ITGA9: variants seen among roughly 807,000 people sequenced by gnomAD.
ITGA9 encodes integrin alpha-9.
Under a neutral mutation model 127.8 loss-of-function variants are expected in ITGA9, and 56 were observed. The ratio of observed to expected loss-of-function variants is 0.44; its 90% CI spans 0.35 to 0.55. The LOEUF (loss-of-function observed/expected upper bound fraction) is 0.55, where lower values mean the gene tolerates loss of function less well. ITGA9 is among the 20% of genes least tolerant of loss of function. The pLI is 0.00. For synonymous variants in ITGA9, 508 were observed against 514.5 expected (o/e 0.99, Z 0.17); for missense variants, 1,196 against 1,347.1 (o/e 0.89, Z 1.76).
chr3:37,525,785 A>G (rs75129705), intron 12 of ITGA9, among the ~76,000 whole-genome samples: 1 of 152,336 alleles, frequency 6.6e-6, no homozygotes, highest in East Asian at 1.9e-4. Context: ...GTTTACACTC[A>G]CAGCACCTCT....
chr3:37,612,143 A>G (rs1700023066), intron 15 of ITGA9, among the ~76,000 whole-genome samples: 2 of 152,340 alleles, frequency 1.3e-5, no homozygotes, highest in Admixed American at 1.3e-4. Flanking sequence ...AAGCATTTCA[A>G]AAACCAGAGG....
intron 23 of ITGA9, chr3:37,753,960 A>G (rs1696620655): frequency 6.6e-6 from 1 of 152,234 alleles, no homozygotes; most frequent in Non-Finnish European, 1.5e-5. Context: ...AGTGAGCCAG[A>G]CAGCTTATGG....
intron 11 of ITGA9, among the ~76,000 whole-genome samples, 175 bp from the exon 12 acceptor site, chr3:37,523,346 G>A (rs1156262103): frequency 2.6e-5 from 4 of 151,984 alleles, no homozygotes; most frequent in African/African-American, 9.7e-5. Context: ...ATAAAGGAGT[G>A]TGTGGCCTTC....
chr3:37,683,914 T>A lies in ITGA9; in HGVS notation c.1966T>A (p.Ser656Thr). Residue 656 changes from serine (S) to threonine (T), a missense_variant, in exon 18 of 28, where the codon TCC (serine) becomes ACC (threonine). By Grantham distance (58) the Ser-to-Thr change is moderately conservative. Transcript: ENST00000264741. ...YLALGAVKNI[S>T]LNISISNLGD... The stretch of plus-strand genomic sequence containing the variant: ...AGCTTTGGGGGCTGTGAAGAACATC[T>A]CCCTAAACATCTCTATCTCCAACCT... 6.2e-7 allele frequency: 1 copy of A among 1,614,110 alleles called. No individual in the cohort carries two copies. The highest frequency in any genetic ancestry group is 8.5e-7 in the Non-Finnish European group (1 of 1,179,966).
At chr3:37,803,547 G>A (rs1697259065) in intron 26 of ITGA9, among the ~76,000 whole-genome samples, 1 of 152,194 alleles carries the variant, frequency 6.6e-6, no homozygotes, top group Non-Finnish European at 1.5e-5. Context: ...AACTTTGGGA[G>A]GCCGAGGTGG....
At chr3:37,745,533 C>T (rs558533515) in intron 22 of ITGA9, 3 of 152,290 alleles carry the variant, frequency 2.0e-5, no homozygotes, top group East Asian at 1.9e-4. Context: ...TGTTTCTACT[C>T]TTTCCTACTC....
At chr3:37,490,977 T>TCCCC (rs1559519243) in intron 4 of ITGA9, among the ~76,000 whole-genome samples, 7 of 62,438 alleles carry the variant, frequency 1.1e-4, no homozygotes, top group African/African-American at 1.7e-4. Flanking sequence ...CCCCCCCGCT[T>TCCCC]TTTTTTTTTT....
intron 15 of ITGA9, among the ~76,000 whole-genome samples, chr3:37,567,326 A>G (rs902336804): frequency 6.6e-6 from 1 of 152,196 alleles, no homozygotes; most frequent in Non-Finnish European, 1.5e-5. Flanking sequence ...CCCATGATTC[A>G]ACTACCTCCC....
chr3:37,581,499 G>A (rs890817797), intron 15 of ITGA9, among the ~76,000 whole-genome samples: 1 of 152,228 alleles, frequency 6.6e-6, no homozygotes, highest in Non-Finnish European at 1.5e-5. Flanking sequence ...AAGAGAGAAT[G>A]CGTGTTCTTA....
intron 15 of ITGA9, among the ~76,000 whole-genome samples, chr3:37,608,712 A>G (rs1248503340): frequency 6.6e-6 from 1 of 152,174 alleles, no homozygotes; most frequent in Non-Finnish European, 1.5e-5. Flanking sequence ...TGAAGACATA[A>G]ATACTGTTTT....
intron 17 of ITGA9, among the ~76,000 whole-genome samples, chr3:37,656,959 T>C (rs550044316): frequency 6.6e-6 from 1 of 152,326 alleles, no homozygotes; most frequent in African/African-American, 2.4e-5. Flanking sequence ...ATGTGTTTTT[T>C]TTTCATTGGT....
chr3:37,604,526 C>T (rs1350258156), intron 15 of ITGA9, among the ~76,000 whole-genome samples: 1 of 152,176 alleles, frequency 6.6e-6, no homozygotes, highest in African/African-American at 2.4e-5. Flanking sequence ...ATGAGCTAAA[C>T]ATTTAGGAAA....
chr3:37,616,483 A>G lies in ITGA9; in HGVS notation c.1690-12704A>G, dbSNP rs1486507767. On this transcript the variant is annotated intron_variant, in intron 15 of 27. Transcript: ENST00000264741. The stretch of plus-strand genomic sequence containing the variant: ...AGTTCTGTAGATGTCTATTAGGTCC[A>G]CTTGGTGCAGAGCTGAGTTCAATTC... Among the ~76,000 whole-genome samples, 5 of 152,146 alleles carry G rather than the reference A, an allele frequency of 3.3e-5. No homozygotes were observed. In the East Asian group the frequency reaches 5.8e-4, roughly 18 times the overall value.
Position 37,736,749 on chromosome 3 carries a change from G to A in ITGA9, c.2155-155G>A, listed in dbSNP as rs112982513. Among the ~76,000 whole-genome samples, 348 of 152,340 alleles carry A rather than the reference G, an allele frequency of 2.3e-3. 2 individuals are homozygous for A. The highest frequency in any genetic ancestry group is 7.9e-3 in the African/African-American group (329 of 41,578). The stretch of plus-strand genomic sequence containing the variant: ...TGTCAGGCTTGGTTTTACTGTTAAA[G>A]CTGTGACTTTGGCCTGACAGTCAGA... On this transcript the variant is annotated intron_variant, in intron 19 of 27. Coordinates refer to ENST00000264741, the MANE Select transcript of ITGA9 (RefSeq NM_002207.3).
At chr3:37,497,789 G>A (rs1698746641) in intron 5 of ITGA9, among the ~76,000 whole-genome samples, 1 of 152,158 alleles carries the variant, frequency 6.6e-6, no homozygotes, top group Non-Finnish European at 1.5e-5. Flanking sequence ...TATGACTTGA[G>A]TCAATAGGCA....
rs763735003 is a variant in ITGA9 at position 37,736,966 on chromosome 3, C to T, written c.2217C>T (p.Phe739=). ...CTGGGGAAGAGGAAGTTCTCAGCTTCATTGTTACTGCTCAGAGGTAAGGGG... is the reference window on the plus strand; with the variant it reads ...CTGGGGAAGAGGAAGTTCTCAGCTTTATTGTTACTGCTCAGAGGTAAGGGG... ...HLSGEEEVLS[F]IVTAQSGNTE... The change falls in exon 20 of 28, where the codon TTC becomes TTT. Residue 739 remains phenylalanine, a synonymous_variant. Transcript: ENST00000264741. 1.4e-5 allele frequency: 23 copies of T among 1,611,036 alleles called. No individual in the cohort carries two copies. Among genetic ancestry groups the T allele is most frequent in the Non-Finnish European group, 2.0e-5 (23 of 1,177,226 alleles).
At chr3:37,692,167 T>A (rs1700838383) in intron 18 of ITGA9, among the ~76,000 whole-genome samples, 1 of 152,188 alleles carries the variant, frequency 6.6e-6, no homozygotes, top group African/African-American at 2.4e-5. Flanking sequence ...GTCCCACTTG[T>A]ATATGATGGG....
At chr3:37,595,915 G>A (rs952722271) in intron 15 of ITGA9, among the ~76,000 whole-genome samples, 1 of 152,200 alleles carries the variant, frequency 6.6e-6, no homozygotes, top group Non-Finnish European at 1.5e-5. Context: ...TGGCAGGAAG[G>A]TCAAACCGCT....
chr3:37,496,620 C>T (rs1251933139), intron 5 of ITGA9, among the ~76,000 whole-genome samples: 1 of 152,216 alleles, frequency 6.6e-6, no homozygotes, highest in African/African-American at 2.4e-5. Flanking sequence ...CCACCTTTTA[C>T]AAACAGGAAA....
Sources: gnomAD v4.1 joint callset for allele counts (sites outside exome capture counted in the v4.1 genomes callset) on GRCh38, gnomAD v4.1.1 for gene constraint, MANE v1.5 for transcripts, NCBI Gene and HGNC (gene_info 2026-07-23, HGNC 2026-07-21) for gene names.